The following PTK2B variants were observed in gnomAD, a reference collection of about 807,000 sequenced individuals.
The protein encoded by PTK2B is protein tyrosine kinase 2 beta, also known as protein-tyrosine kinase 2-beta.
In PTK2B, 71 loss-of-function variants were observed where a neutral mutation model predicts 142.9. The observed-to-expected ratio is 0.50, with a 90% CI of 0.41 to 0.61. PTK2B has a LOEUF of 0.61. PTK2B is among the 20% of genes least tolerant of loss of function. The pLI is 0.00. For synonymous variants in PTK2B, 519 were observed against 503.4 expected, an observed-to-expected ratio of 1.03 and a Z score of -0.42; for missense variants, 1,105 against 1,320.4, an observed-to-expected ratio of 0.84 and a Z score of 2.53.
chr8:27,439,104 T>G lies in PTK2B; in HGVS notation c.1717T>G (p.Tyr573Asp). ...VKLGDFGLSR[Y>D]IEDEDYYKAS... ...GCTGGGGGACTTTGGTCTTTCCCGGTACATTGAGGACGAGGACTATTACAA... is the reference window on the plus strand; with the variant it reads ...GCTGGGGGACTTTGGTCTTTCCCGGGACATTGAGGACGAGGACTATTACAA... Residue 573 changes from tyrosine to aspartate, a missense_variant, in exon 19 of 31, where the codon TAC (tyrosine) becomes GAC (aspartate). Coordinates refer to ENST00000346049, the MANE Select transcript of PTK2B (RefSeq NM_173176.3). 6.2e-7 allele frequency: 1 copy of G among 1,613,916 alleles called. No individual in the cohort carries two copies. The highest frequency in any genetic ancestry group is 8.5e-7 in the Non-Finnish European group (1 of 1,179,814).
In PTK2B at chr8:27,453,124, A is replaced by G; in HGVS notation, c.2559A>G (p.Thr853=). 1 of 1,614,124 alleles carries G rather than the reference A, an allele frequency of 6.2e-7. No individual in the cohort carries two copies. Among genetic ancestry groups the G allele is most frequent in the South Asian group, 1.1e-5 (1 of 91,084 alleles). The change falls in exon 28 of 31, where the codon ACA becomes ACG. Residue 853 remains threonine, a synonymous_variant. Coordinates refer to ENST00000346049, the MANE Select transcript of PTK2B (RefSeq NM_173176.3). ...PEKEVGYLEF[T]GPPQKPPRLG... is the part of the protein sequence containing the mutation. Reference sequence around the variant, plus strand: ...TTCTTTTTATTGCAGTGGAGTTCACAGGGCCCCCACAGAAGCCCCCGAGGC... The same window carrying G: ...TTCTTTTTATTGCAGTGGAGTTCACGGGGCCCCCACAGAAGCCCCCGAGGC...
chr8:27,311,007 T>C, upstream of PTK2B: 1 of 1,611,146 alleles, frequency 6.2e-7, no homozygotes. Flanking sequence ...TCCACCAGGT[T>C]GTTGAGGGTG....
chr8:27,311,396 G>T, upstream of PTK2B: 1 of 881,878 alleles, frequency 1.1e-6, no homozygotes, highest in Non-Finnish European at 1.6e-6. Context: ...GGGATGGCGA[G>T]GGGGAGGGAG....
At position 27,459,205 on chromosome 8, in the gene PTK2B, T is replaced by G. The variant is rs1347169325; in HGVS notation, c.*696T>G. On this transcript the variant is annotated 3_prime_UTR_variant, in exon 31 of 31. Transcript: ENST00000346049. ...GGACCTTGGGCCAAATCCGCTCTCT[T>G]CCTGCCCCTCTTTCTCTTTCTTCCT... 1 of 234,262 alleles carries G rather than the reference T, an allele frequency of 4.3e-6. No homozygotes were observed. The highest frequency in any genetic ancestry group is 8.4e-6 in the Non-Finnish European group (1 of 118,856). 14.5% of individuals were successfully genotyped at this position (234,262 alleles called of 1,614,324 possible). A position where few individuals can be genotyped will look rare whatever the true frequency, so the allele number is the denominator to read the frequency against.
At chr8:27,329,012 A>G in intron 1 of PTK2B, among the ~76,000 whole-genome samples, 1 of 150,742 alleles carries the variant, frequency 6.6e-6, no homozygotes, top group Non-Finnish European at 1.5e-5. Context: ...ATCTCAGCTC[A>G]CTGCAACCTC....
Position 27,439,386 on chromosome 8 carries a change from G to T in PTK2B, c.1822G>T (p.Val608Phe). The change falls in exon 20 of 31, where the codon GTC (valine) becomes TTC (phenylalanine). Residue 608 changes from valine (V) to phenylalanine (F), a missense_variant. Physicochemically the swap from Val to Phe is conservative, Grantham distance 50. Coordinates refer to ENST00000346049, the MANE Select transcript of PTK2B (RefSeq NM_173176.3). ...CCGACGCTTCACGACAGCCAGTGACGTCTGGATGTTCGGTGAGTGCTGATT... is the reference window on the plus strand; with the variant it reads ...CCGACGCTTCACGACAGCCAGTGACTTCTGGATGTTCGGTGAGTGCTGATT... ...NFRRFTTASD[V>F]WMFAVCMWEI... 6.2e-7 allele frequency: 1 copy of T among 1,613,406 alleles called. No individual in the cohort carries two copies. The highest frequency in any genetic ancestry group is 8.5e-7 in the Non-Finnish European group (1 of 1,179,340).
intron 1 of PTK2B, among the ~76,000 whole-genome samples, chr8:27,352,633 G>A (rs1284564879): frequency 6.6e-6 from 1 of 152,190 alleles, no homozygotes; most frequent in Non-Finnish European, 1.5e-5. Flanking sequence ...TTGTGGGAGG[G>A]ACCCGGTGGG....
intron 13 of PTK2B, 82 bp downstream of exon 13, chr8:27,434,641 C>G: frequency 7.0e-7 from 1 of 1,431,092 alleles, no homozygotes. Flanking sequence ...GTGACATTGC[C>G]GAGGGTTTCC....
chr8:27,391,468 G>C (rs17375582), intron 1 of PTK2B, among the ~76,000 whole-genome samples: 11,506 of 152,252 alleles, frequency 0.076, 645 homozygotes, highest in South Asian at 0.24. Context: ...TCTGGTGTCT[G>C]CCTCCCCAAG....
At chr8:27,345,485 G>T (rs776207822) in intron 1 of PTK2B, among the ~76,000 whole-genome samples, 14 of 152,202 alleles carry the variant, frequency 9.2e-5, no homozygotes, top group African/African-American at 2.9e-4. Context: ...TGGTGGGGCT[G>T]CTCTGAGTGA....
At chr8:27,333,190 A>G (rs1390657435) in intron 1 of PTK2B, among the ~76,000 whole-genome samples, 1 of 152,080 alleles carries the variant, frequency 6.6e-6, no homozygotes, top group Non-Finnish European at 1.5e-5. Flanking sequence ...AGAGATGGAG[A>G]GGTGTGGTTT....
intron 2 of PTK2B, among the ~76,000 whole-genome samples, chr8:27,399,822 C>G (rs1808267694): frequency 6.6e-6 from 1 of 152,194 alleles, no homozygotes; most frequent in African/African-American, 2.4e-5. Flanking sequence ...ACTTAGACTT[C>G]TAGCCAAGTC....
chr8:27,439,453 C>A, intron 20 of PTK2B, 55 bp downstream of exon 20: 3 of 1,540,376 alleles, frequency 1.9e-6, no homozygotes, highest in Non-Finnish European at 2.7e-6. Flanking sequence ...ACTTCTGAAC[C>A]AGGCTAAGGG....
intron 24 of PTK2B, 106 bp downstream of exon 24, chr8:27,446,025 C>T (rs1457009205): frequency 1.3e-6 from 2 of 1,490,030 alleles, no homozygotes; most frequent in Admixed American, 3.8e-5. Context: ...GAGGGCCCTT[C>T]CTGTTCCCAT....
intron 1 of PTK2B, among the ~76,000 whole-genome samples, chr8:27,336,433 T>G (rs1039984978): frequency 6.6e-6 from 1 of 152,080 alleles, no homozygotes; most frequent in Non-Finnish European, 1.5e-5. Context: ...CACTGTTACA[T>G]CCCAAGGACA....
At chr8:27,322,822 A>G (rs1304992347), upstream of PTK2B, 2 of 140,278 alleles carry the variant, frequency 1.4e-5, no homozygotes, top group Non-Finnish European at 2.9e-5. Flanking sequence ...ACCCCCTCCA[A>G]TATCCCCTGG....
At chr8:27,329,148 G>A (rs1283209281) in intron 1 of PTK2B, among the ~76,000 whole-genome samples, 2 of 152,124 alleles carry the variant, frequency 1.3e-5, no homozygotes, top group East Asian at 3.8e-4. Context: ...ATGTTGGCCA[G>A]GAGGGTCTCA....
chr8:27,431,564 C>T (rs1464548073), intron 9 of PTK2B, 92 bp downstream of exon 9: 1 of 1,513,260 alleles, frequency 6.6e-7, no homozygotes, highest in Non-Finnish European at 9.0e-7. Flanking sequence ...TTCAGTTCTT[C>T]TTGCCCCTGT....
intron 3 of PTK2B, among the ~76,000 whole-genome samples, chr8:27,315,303 A>G (rs1241805557): frequency 3.9e-5 from 6 of 152,186 alleles, no homozygotes; most frequent in African/African-American, 7.2e-5. Flanking sequence ...TTTCACTTGC[A>G]TGCTAGGTGA....
Sources: gnomAD v4.1 joint callset for allele counts (sites outside exome capture counted in the v4.1 genomes callset) on GRCh38, gnomAD v4.1.1 for gene constraint, MANE v1.5 for transcripts, NCBI Gene and HGNC (gene_info 2026-07-23, HGNC 2026-07-21) for gene names.